DDB2: variants seen among roughly 807,000 people sequenced by gnomAD.
DDB2 encodes DNA damage-binding protein 2.
DDB2 carries 27 observed loss-of-function variants against 50.5 expected under a neutral mutation model. The observed-to-expected ratio is 0.53, with a 90% CI of 0.39 to 0.74. DDB2 has a LOEUF of 0.74. Among genes scored for constraint, DDB2 ranks in the 30% least tolerant of loss-of-function variants. The pLI is 0.00. For missense variants in DDB2, 424 were observed against 545.6 expected, an observed-to-expected ratio of 0.78 and a Z score of 2.22; for synonymous variants, 176 against 205.5, an observed-to-expected ratio of 0.86 and a Z score of 1.23.
chr11:47,228,977 ATATCTATCTATCTATCTATC>A (rs59098720), intron 3 of DDB2, among the ~76,000 whole-genome samples: 13 of 124,660 alleles, frequency 1.0e-4, no homozygotes, highest in South Asian at 2.7e-4. Context: ...AAAAAAAGAA[ATATCTATCTATCTATCTATC>A]TATCTATCTA....
At chr11:47,229,167 A>T (rs914726777) in intron 3 of DDB2, among the ~76,000 whole-genome samples, 1 of 152,006 alleles carries the variant, frequency 6.6e-6, no homozygotes, top group Non-Finnish European at 1.5e-5. Context: ...GCTGAGGTGA[A>T]TGTCATTACA....
intron 8 of DDB2, 67 bp downstream of exon 8, chr11:47,238,068 G>A (rs1953765171): frequency 1.2e-6 from 2 of 1,612,440 alleles, no homozygotes; most frequent in African/African-American, 1.3e-5. Flanking sequence ...TTGACCAAAA[G>A]TGACCAGAAA....
chr11:47,237,423 G>A (rs879316295), intron 7 of DDB2, among the ~76,000 whole-genome samples: 7 of 151,668 alleles, frequency 4.6e-5, no homozygotes, highest in Non-Finnish European at 1.0e-4. Flanking sequence ...GCTTGTTACT[G>A]GCAAATACTA....
At chr11:47,218,742 GAAAAA>G (rs74261105) in intron 3 of DDB2, among the ~76,000 whole-genome samples, 2 of 132,648 alleles carry the variant, frequency 1.5e-5, no homozygotes, top group Non-Finnish European at 3.3e-5. Context: ...AGCCAGAGTG[GAAAAA>G]AAAAAAAAAA....
upstream of DDB2, chr11:47,214,761 A>G: frequency 2.9e-6 from 1 of 341,012 alleles, no homozygotes; most frequent in Non-Finnish European, 5.7e-6. Flanking sequence ...ACAGAGCCAG[A>G]CCCTGTTGCT....
chr11:47,223,834 A>G (rs1339266596), intron 3 of DDB2, among the ~76,000 whole-genome samples: 1 of 152,006 alleles, frequency 6.6e-6, no homozygotes, highest in African/African-American at 2.4e-5. Flanking sequence ...GTTGGGCTCA[A>G]TGGTTCATGC....
intron 3 of DDB2, among the ~76,000 whole-genome samples, chr11:47,219,925 C>T (rs575828033): frequency 5.1e-4 from 77 of 152,280 alleles, no homozygotes; most frequent in African/African-American, 1.8e-3. Flanking sequence ...GTAGCTGGGA[C>T]TACTGGTGCC....
chr11:47,214,747 A>G (rs3758667), upstream of DDB2: 223,326 of 321,560 alleles, frequency 0.69, 79,844 homozygotes, highest in Middle Eastern at 0.76. Context: ...CTCCAGAGTG[A>G]GCGACAGAGC....
At chr11:47,215,411 A>C (rs1439547022) in intron 1 of DDB2, 148 bp downstream of exon 1, 1 of 1,156,924 alleles carries the variant, frequency 8.6e-7, no homozygotes, top group Non-Finnish European at 1.3e-6. Context: ...AGGTCCTTTG[A>C]CACCAGAGTG....
Position 47,237,853 on chromosome 11 carries a change from G to A in DDB2, c.1040G>A (p.Arg347His), listed in dbSNP as rs761752334. The A allele has an allele frequency of 1.1e-5, 17 of 1,613,870 alleles. No individual in the cohort carries two copies. Among genetic ancestry groups the A allele is most frequent in the Non-Finnish European group, 1.4e-5 (17 of 1,180,012 alleles). Residue 347 changes from arginine (R) to histidine (H), a missense_variant, in exon 8 of 10, where the codon CGC (arginine) becomes CAC (histidine). Coordinates refer to ENST00000256996, the MANE Select transcript of DDB2 (RefSeq NM_000107.3). Reference sequence around the variant, plus strand: ...ATCTCCTAGGCAGCCTGGCATCCTCGCTACAACCTCATTGTTGTGGGCCGA... The same window carrying A: ...ATCTCCTAGGCAGCCTGGCATCCTCACTACAACCTCATTGTTGTGGGCCGA... ...LTPIKAAWHP[R>H]YNLIVVGRYP...
intron 1 of DDB2, chr11:47,215,657 C>T: frequency 6.1e-6 from 2 of 329,412 alleles, no homozygotes; most frequent in Non-Finnish European, 1.2e-5. Flanking sequence ...CCTTAGAAAG[C>T]TCATTCTCTG....
chr11:47,229,477 G>T (rs924666797), intron 3 of DDB2, among the ~76,000 whole-genome samples: 1 of 152,164 alleles, frequency 6.6e-6, no homozygotes, highest in African/African-American at 2.4e-5. Flanking sequence ...GAGGGTAAAA[G>T]AGTCCAAGCA....
intron 3 of DDB2, chr11:47,220,576 A>G (rs1313463228): frequency 2.0e-5 from 3 of 152,240 alleles, no homozygotes; most frequent in Non-Finnish European, 4.4e-5. Flanking sequence ...TTTACACTGT[A>G]ATGAAGATTG....
At chr11:47,219,874 G>T (rs893795204) in intron 3 of DDB2, among the ~76,000 whole-genome samples, 2 of 152,086 alleles carry the variant, frequency 1.3e-5, no homozygotes, top group Non-Finnish European at 2.9e-5. Flanking sequence ...TGCAAGCTCC[G>T]CCTCCCAGGT....
intron 3 of DDB2, among the ~76,000 whole-genome samples, chr11:47,224,413 T>G (rs1953529404): frequency 6.6e-6 from 1 of 151,894 alleles, no homozygotes; most frequent in African/African-American, 2.4e-5. Flanking sequence ...ATTTATTTAT[T>G]TTTATTTTAT....
chr11:47,233,022 T>C, intron 4 of DDB2, 63 bp downstream of exon 4: 2 of 1,576,394 alleles, frequency 1.3e-6, no homozygotes, highest in Non-Finnish European at 1.7e-6. Flanking sequence ...GGCAAGAGCA[T>C]CCAGATCCCA....
chr11:47,218,114 C>T (rs1216799483), intron 3 of DDB2, among the ~76,000 whole-genome samples: 1 of 152,198 alleles, frequency 6.6e-6, no homozygotes, highest in Non-Finnish European at 1.5e-5. Context: ...GAGGCTTTCG[C>T]TGGTTGTCCT....
In DDB2 at chr11:47,238,862, A is replaced by G. The variant is rs774235977; in HGVS notation, c.*13A>G. On this transcript the variant is annotated 3_prime_UTR_variant, in exon 10 of 10. Coordinates refer to ENST00000256996, the MANE Select transcript of DDB2 (RefSeq NM_000107.3). ...GACACGGAAGTGAGAGACACTAAAG[A>G]AGGTGTGGGCCAGACAAGGCCTTGG... The G allele has an allele frequency of 5.6e-6, 9 of 1,612,994 alleles. No homozygotes were observed. The highest frequency in any genetic ancestry group is 3.3e-5 in the Admixed American group (2 of 59,934).
chr11:47,238,306 G>C, intron 9 of DDB2, 123 bp downstream of exon 9: 1 of 893,166 alleles, frequency 1.1e-6, no homozygotes. Flanking sequence ...CGAAGAAGAT[G>C]GCTGGGAGAC....
Sources: allele counts gnomAD v4.1 joint callset (sites outside exome capture counted in the v4.1 genomes callset), GRCh38; gene constraint gnomAD v4.1.1; transcripts MANE v1.5; gene names NCBI Gene and HGNC (gene_info 2026-07-23, HGNC 2026-07-21).